Variants in ELFN2 observed in about 807,000 individuals in gnomAD.
The protein encoded by ELFN2 is protein phosphatase 1 regulatory subunit 29.
ELFN2 carries 17 observed loss-of-function variants against 45.5 expected under a neutral mutation model. The ratio of observed to expected loss-of-function variants is 0.37; its 90% CI spans 0.26 to 0.56. The LOEUF (loss-of-function observed/expected upper bound fraction) is 0.56, where lower values mean the gene tolerates loss of function less well. Ranked by LOEUF, ELFN2 falls within the 20% of genes least tolerant of loss-of-function variation. ELFN2 has a pLI of 0.77. For missense variants in ELFN2, 922 were observed against 1,183.2 expected (o/e 0.78, Z 3.24); for synonymous variants, 550 against 551.5 (o/e 1.00, Z 0.04).
intron 2 of ELFN2, among the ~76,000 whole-genome samples, chr22:37,392,263 G>T (rs1340433866): frequency 2.6e-5 from 4 of 151,800 alleles, no homozygotes; most frequent in African/African-American, 7.3e-5. Flanking sequence ...TCATCCTCAG[G>T]ATCCTAGGAA....
chr22:37,415,221 A>G (rs1428828481), intron 2 of ELFN2, among the ~76,000 whole-genome samples: 2 of 152,196 alleles, frequency 1.3e-5, no homozygotes, highest in East Asian at 3.9e-4. Flanking sequence ...TGGTGATGCC[A>G]AAATGGTAGA....
intron 2 of ELFN2, among the ~76,000 whole-genome samples, chr22:37,415,087 G>A (rs751096479): frequency 4.6e-5 from 7 of 152,228 alleles, no homozygotes; most frequent in Non-Finnish European, 1.0e-4. Flanking sequence ...CAGGAAAGTG[G>A]CAGTGTTGGG....
intron 2 of ELFN2, among the ~76,000 whole-genome samples, chr22:37,393,645 T>C (rs1421886148): frequency 6.6e-6 from 1 of 152,024 alleles, no homozygotes. Context: ...ACTTAACAGA[T>C]AGGAAAGCTG....
At chr22:37,361,417 C>G (rs1317619233) in intron 1 of ELFN2, among the ~76,000 whole-genome samples, 3 of 151,694 alleles carry the variant, frequency 2.0e-5, no homozygotes, top group Admixed American at 6.6e-5. Context: ...TCCTGCCAGC[C>G]CCACTCAACT....
intron 2 of ELFN2, among the ~76,000 whole-genome samples, chr22:37,379,847 G>A (rs970174661): frequency 1.3e-5 from 2 of 152,046 alleles, no homozygotes; most frequent in East Asian, 1.9e-4. Context: ...TGCCCTTTCC[G>A]CCCGGGTGCT....
At chr22:37,391,143 G>C (rs1300929808) in intron 2 of ELFN2, among the ~76,000 whole-genome samples, 2 of 152,206 alleles carry the variant, frequency 1.3e-5, no homozygotes, top group African/African-American at 2.4e-5. Context: ...CTCTGGTGGG[G>C]ATGACAGGGA....
chr22:37,353,985 T>A (rs1930885674), intron 1 of ELFN2: 1 of 137,592 alleles, frequency 7.3e-6, no homozygotes, highest in African/African-American at 2.5e-5. Context: ...GCTTTCTTCA[T>A]CATCTTGCCA....
At chr22:37,394,921 A>G (rs987833020) in intron 2 of ELFN2, among the ~76,000 whole-genome samples, 1 of 151,888 alleles carries the variant, frequency 6.6e-6, no homozygotes, top group Admixed American at 6.6e-5. Context: ...TGGCCAACAT[A>G]GCGAAACCCC....
chr22:37,411,917 C>T (rs1242238565), intron 2 of ELFN2, among the ~76,000 whole-genome samples: 3 of 152,100 alleles, frequency 2.0e-5, no homozygotes, highest in East Asian at 3.9e-4. Context: ...ACCAAACAGG[C>T]CTTCCTGCAG....
At chr22:37,347,704 C>T (rs1016124230) in intron 1 of ELFN2, among the ~76,000 whole-genome samples, 2 of 151,980 alleles carry the variant, frequency 1.3e-5, no homozygotes, top group Non-Finnish European at 2.9e-5. Context: ...TGCAGTCTCT[C>T]ATTATCAGTT....
intron 1 of ELFN2, among the ~76,000 whole-genome samples, chr22:37,425,221 A>T (rs552047177): frequency 5.3e-5 from 8 of 152,160 alleles, no homozygotes; most frequent in Non-Finnish European, 2.9e-5. Flanking sequence ...GGGACTGGGG[A>T]GGTCAGATAG....
At chr22:37,359,577 C>T (rs1296408932) in intron 1 of ELFN2, among the ~76,000 whole-genome samples, 1 of 152,242 alleles carries the variant, frequency 6.6e-6, no homozygotes, top group Non-Finnish European at 1.5e-5. Context: ...TATGAACGCT[C>T]CTCAGCTCTC....
chr22:37,375,482 C>T lies in ELFN2; in HGVS notation c.53G>A (p.Gly18Asp), dbSNP rs1472121808. 1 of 1,597,102 alleles carries T rather than the reference C, an allele frequency of 6.3e-7. No homozygotes were observed. Among genetic ancestry groups the T allele is most frequent in the African/African-American group, 1.3e-5 (1 of 74,634 alleles). ...AAALLCVCRP[G>D]AVRADCWLIE... ...GAGCCAGCAGTCGGCACGCACGGCA[C>T]CCGGCCGGCACACGCACAGCAGCGC... The change falls in exon 3 of 3, where the codon GGT becomes GAT. Residue 18 changes from glycine (G) to aspartate (D), a missense_variant. This residue lies in a region of ELFN2 where 358 missense variants were observed against 540.4 expected (regional missense o/e 0.66). Transcript: ENST00000402918.
intron 1 of ELFN2, among the ~76,000 whole-genome samples, chr22:37,424,161 G>A (rs561671008): frequency 6.4e-4 from 98 of 152,140 alleles, no homozygotes; most frequent in Middle Eastern, 3.4e-3. Context: ...CGGAGCAGGT[G>A]AGGGTAGCAG....
rs777403678 is a variant in ELFN2 at position 37,374,051 on chromosome 22, T to C, written c.1484A>G (p.Lys495Arg). 5.6e-6 allele frequency: 9 copies of C among 1,613,078 alleles called. No individual in the cohort carries two copies. The highest frequency in any genetic ancestry group is 5.9e-6 in the Non-Finnish European group (7 of 1,180,014). ...KGLEAGLDTP[K>R]VATKGNYIEV... ...GATATAGTTGCCTTTGGTGGCTACC[T>C]TGGGTGTGTCCAGCCCGGCCTCCAA... The change falls in exon 3 of 3, where the codon AAG becomes AGG. Residue 495 changes from lysine to arginine, a missense_variant. Around this residue, in one of 2 missense-constraint regions of ELFN2, gnomAD observed 564 missense variants for 642.8 expected, o/e 0.88. Transcript: ENST00000402918.
intron 2 of ELFN2, among the ~76,000 whole-genome samples, chr22:37,391,312 G>A (rs1461273683): frequency 6.6e-6 from 1 of 152,162 alleles, no homozygotes; most frequent in African/African-American, 2.4e-5. Context: ...AGTGTGGACA[G>A]TCTCACTCAC....
chr22:37,373,979 T>C lies in ELFN2; in HGVS notation c.1556A>G (p.Asp519Gly), dbSNP rs560850924. 9 of 1,612,964 alleles carry C rather than the reference T, an allele frequency of 5.6e-6. No homozygotes were observed. Among genetic ancestry groups the C allele is most frequent in the Non-Finnish European group, 7.6e-6 (9 of 1,179,966 alleles). The change falls in exon 3 of 3, where the codon GAT becomes GGT. Residue 519 changes from aspartate to glycine, a missense_variant. Coordinates refer to ENST00000402918, the MANE Select transcript of ELFN2 (RefSeq NM_052906.5). ...GCCGTTCTCGAGGTCCGGGAGGTCA[T>C]CCTCGGGCCGAGCCAGACCGTCCCC... ...AGGDGLARPE[D>G]DLPDLENGQG...
rs1000665981 is a variant in ELFN2, at chr22:37,369,422, C to T, written c.*3650G>A. 1 of 152,324 alleles carries T rather than the reference C, an allele frequency of 6.6e-6. No homozygotes were observed. The highest frequency in any genetic ancestry group is 1.5e-5 in the Non-Finnish European group (1 of 68,138). 9.4% of individuals were successfully genotyped at this position (152,324 alleles called of 1,614,324 possible). On this transcript the variant is annotated 3_prime_UTR_variant, in exon 3 of 3. Transcript: ENST00000402918. ...CCAGACACGGGCTCCCCAGCCTGGACACAGGCTGCTCCCACAGGCCTCCTG... is the reference window on the plus strand; with the variant it reads ...CCAGACACGGGCTCCCCAGCCTGGATACAGGCTGCTCCCACAGGCCTCCTG...
chr22:37,363,728 G>C (rs919407346), downstream of ELFN2, among the ~76,000 whole-genome samples: 1 of 152,214 alleles, frequency 6.6e-6, no homozygotes, highest in South Asian at 2.1e-4. Context: ...CCAGGCAGGA[G>C]TGGTGGGGAA....
Sources: gnomAD v4.1 joint callset for allele counts (sites outside exome capture counted in the v4.1 genomes callset) on GRCh38, gnomAD v4.1.1 for gene constraint, gnomAD v4.1.1 regional missense constraint, MANE v1.5 for transcripts, NCBI Gene and HGNC (gene_info 2026-07-23, HGNC 2026-07-21) for gene names.